The following TENM3 variants were observed in gnomAD, a reference collection of about 807,000 sequenced individuals.
TENM3 encodes teneurin transmembrane protein 3.
In TENM3, 63 loss-of-function variants were observed where a neutral mutation model predicts 255.1. That is an observed-to-expected ratio of 0.25 (90% CI 0.20 to 0.30). The LOEUF is 0.30. Ranked by LOEUF, TENM3 falls within the 10% of genes least tolerant of loss-of-function variation. The pLI is 1.00. For missense variants in TENM3, 2,929 were observed against 3,461.1 expected, an observed-to-expected ratio of 0.85 and a Z score of 3.86; for synonymous variants, 1,306 against 1,322.3, an observed-to-expected ratio of 0.99 and a Z score of 0.27.
At chr4:182,622,015 A>G (rs2152456551) in intron 4 of TENM3, among the ~76,000 whole-genome samples, 1 of 151,404 alleles carries the variant, frequency 6.6e-6, no homozygotes, top group South Asian at 2.1e-4. Context: ...ATTTTAGAAT[A>G]TTACATCTTT....
chr4:181,655,922 G>T, the TENM3 span, among the ~76,000 whole-genome samples: 5 of 152,250 alleles, frequency 3.3e-5, no homozygotes, highest in East Asian at 9.7e-4. Context: ...AAAACAAAGG[G>T]TTTAAATATG....
intron 2 of TENM3, among the ~76,000 whole-genome samples, chr4:182,327,169 T>A (rs1479555436): frequency 1.3e-5 from 2 of 152,218 alleles, no homozygotes; most frequent in Middle Eastern, 3.2e-3. Context: ...CGGACTATTA[T>A]GCTATGGGAT....
intron 1 of TENM3, among the ~76,000 whole-genome samples, chr4:182,207,499 T>C (rs924948020): frequency 1.3e-5 from 2 of 152,196 alleles, no homozygotes; most frequent in African/African-American, 2.4e-5. Flanking sequence ...CAAAAAGATA[T>C]GTGGCGGGGC....
At chr4:181,871,185 C>T in the TENM3 span, among the ~76,000 whole-genome samples, 1 of 144,436 alleles carries the variant, frequency 6.9e-6, no homozygotes, top group Non-Finnish European at 1.6e-5. Flanking sequence ...ATATAAGTCC[C>T]CCAATTTTAT....
the TENM3 span, among the ~76,000 whole-genome samples, chr4:181,984,576 A>G: frequency 6.6e-6 from 1 of 152,010 alleles, no homozygotes; most frequent in Non-Finnish European, 1.5e-5. Context: ...GTGTTTGAAA[A>G]AAAAAGCCTT....
intron 3 of TENM3, among the ~76,000 whole-genome samples, chr4:182,480,155 C>T (rs1018932718): frequency 1.3e-5 from 2 of 151,914 alleles, no homozygotes; most frequent in Non-Finnish European, 2.9e-5. Flanking sequence ...TTCCAGATAT[C>T]ACATTTTTAA....
At chr4:182,100,816 TATAC>T in the TENM3 span, among the ~76,000 whole-genome samples, 422 of 9,750 alleles carry the variant, frequency 0.043, 125 homozygotes, top group African/African-American at 0.12. Flanking sequence ...TACACATATA[TATAC>T]ACATATATAT....
chr4:181,822,978 G>T, the TENM3 span, among the ~76,000 whole-genome samples: 2 of 152,004 alleles, frequency 1.3e-5, no homozygotes, highest in East Asian at 1.9e-4. Context: ...ATGAGAATAC[G>T]ATCTAAAAAA....
chr4:181,587,494 C>T, the TENM3 span, among the ~76,000 whole-genome samples: 862 of 152,288 alleles, frequency 5.7e-3, 11 homozygotes, highest in African/African-American at 0.02. Flanking sequence ...ATAGCACTAC[C>T]TTAGCGCCTG....
intron 6 of TENM3, among the ~76,000 whole-genome samples, chr4:182,668,447 A>AC (rs1312500295): frequency 6.6e-6 from 1 of 151,908 alleles, no homozygotes; most frequent in African/African-American, 2.4e-5. Flanking sequence ...GGACTAGATG[A>AC]CCCCCACGGG....
chr4:182,414,042 A>G (rs1474356675), intron 3 of TENM3, among the ~76,000 whole-genome samples: 1 of 152,256 alleles, frequency 6.6e-6, no homozygotes, highest in Non-Finnish European at 1.5e-5. Flanking sequence ...ATAACACCAT[A>G]GTTGAAGATC....
chr4:182,482,681 C>G (rs1231232599), intron 3 of TENM3, among the ~76,000 whole-genome samples: 1 of 152,196 alleles, frequency 6.6e-6, no homozygotes, highest in Admixed American at 6.5e-5. Flanking sequence ...CATGGCAAGA[C>G]AGCATTGTCT....
chr4:182,033,901 T>A, the TENM3 span, among the ~76,000 whole-genome samples: 1 of 152,220 alleles, frequency 6.6e-6, no homozygotes, highest in Non-Finnish European at 1.5e-5. Flanking sequence ...AATTTTCCTC[T>A]ATCCCTTTCT....
the TENM3 span, among the ~76,000 whole-genome samples, chr4:182,076,445 A>G: frequency 2.0e-5 from 3 of 151,714 alleles, no homozygotes; most frequent in East Asian, 5.9e-4. Flanking sequence ...CTCGTGATCC[A>G]CCTGCCTCGG....
intron 7 of TENM3, among the ~76,000 whole-genome samples, chr4:182,677,853 G>A (rs1020244097): frequency 2.0e-5 from 3 of 152,046 alleles, no homozygotes; most frequent in Non-Finnish European, 4.4e-5. Flanking sequence ...AGAGGTCTAT[G>A]GTCAGTAAAA....
chr4:181,871,763 A>G, the TENM3 span, among the ~76,000 whole-genome samples: 2 of 152,142 alleles, frequency 1.3e-5, no homozygotes, highest in African/African-American at 2.4e-5. Context: ...AGTGTGTTTT[A>G]TAATCAAAGG....
intron 3 of TENM3, among the ~76,000 whole-genome samples, chr4:182,517,275 C>T (rs1738066485): frequency 6.6e-6 from 1 of 151,796 alleles, no homozygotes; most frequent in Non-Finnish European, 1.5e-5. Context: ...TCTGAAGTGT[C>T]GTGATTGTTG....
At chr4:181,547,120 AG>A in the TENM3 span, among the ~76,000 whole-genome samples, 3 of 152,196 alleles carry the variant, frequency 2.0e-5, no homozygotes, top group Middle Eastern at 6.3e-3. Flanking sequence ...TTCATGTGAA[AG>A]GCAGAAAAGC....
At chr4:182,517,604 C>T (rs941568027) in intron 3 of TENM3, among the ~76,000 whole-genome samples, 18 of 130,620 alleles carry the variant, frequency 1.4e-4, no homozygotes, top group South Asian at 6.7e-4. Flanking sequence ...AGGATGGTCT[C>T]GATCTCCTGA....
Sources: gnomAD v4.1 joint callset for allele counts (sites outside exome capture counted in the v4.1 genomes callset) on GRCh38, gnomAD v4.1.1 for gene constraint, MANE v1.5 for transcripts, NCBI Gene and HGNC (gene_info 2026-07-23, HGNC 2026-07-21) for gene names.